Variants in NRXN1 observed in about 807,000 individuals in gnomAD.
NRXN1 encodes neurexin-1.
Under a neutral mutation model 150.9 loss-of-function variants are expected in NRXN1, and 39 were observed. The ratio of observed to expected loss-of-function variants is 0.26; its 90% CI spans 0.20 to 0.34. NRXN1 has a LOEUF of 0.34. NRXN1 is among the 10% of genes least tolerant of loss of function. NRXN1 has a pLI of 1.00. For missense variants in NRXN1, 1,815 were observed against 1,949.9 expected (o/e 0.93, Z 1.30); for synonymous variants, 924 against 757.0 (o/e 1.22, Z -3.62).
At chr2:50,614,682 C>T (rs1161447837) in intron 8 of NRXN1, among the ~76,000 whole-genome samples, 1 of 141,302 alleles carries the variant, frequency 7.1e-6, no homozygotes, top group Non-Finnish European at 1.5e-5. Flanking sequence ...AACAGAATAT[C>T]CCCTTTTGGA....
chr2:50,253,037 C>A (rs961905311), intron 17 of NRXN1, among the ~76,000 whole-genome samples: 1 of 152,156 alleles, frequency 6.6e-6, no homozygotes, highest in Non-Finnish European at 1.5e-5. Flanking sequence ...TTCTTCCTAT[C>A]CATGAGCATG....
intron 17 of NRXN1, among the ~76,000 whole-genome samples, chr2:50,354,447 GTGAGGATTAAA>G (rs1326701002): frequency 6.6e-6 from 1 of 151,236 alleles, no homozygotes; most frequent in Non-Finnish European, 1.5e-5. Flanking sequence ...TAGGGTTGTT[GTGAGGATTAAA>G]TGAGTCGACA....
intron 15 of NRXN1, among the ~76,000 whole-genome samples, chr2:50,480,784 A>C (rs963393021): frequency 5.3e-5 from 8 of 152,190 alleles, no homozygotes. Flanking sequence ...GCTTTAGCTA[A>C]AATGACTTTG....
chr2:50,852,997 C>T (rs941282382), intron 5 of NRXN1, among the ~76,000 whole-genome samples: 1 of 152,152 alleles, frequency 6.6e-6, no homozygotes, highest in Non-Finnish European at 1.5e-5. Flanking sequence ...ATGGAAATCT[C>T]TTTCATCTAA....
chr2:50,924,718 A>G (rs1270275085), intron 3 of NRXN1, among the ~76,000 whole-genome samples: 1 of 151,732 alleles, frequency 6.6e-6, no homozygotes, highest in East Asian at 1.9e-4. Context: ...GTAATTTATG[A>G]TTTCTTTTAA....
intron 17 of NRXN1, among the ~76,000 whole-genome samples, chr2:50,309,204 T>C (rs1375536606): frequency 6.6e-6 from 1 of 152,196 alleles, no homozygotes; most frequent in Non-Finnish European, 1.5e-5. Context: ...CAGTTATCAT[T>C]TGAAACTCAA....
At chr2:50,808,289 T>C (rs1031662301) in intron 5 of NRXN1, among the ~76,000 whole-genome samples, 6 of 152,138 alleles carry the variant, frequency 3.9e-5, no homozygotes, top group Middle Eastern at 3.2e-3. Flanking sequence ...AATAGCTACA[T>C]TATATCATAT....
chr2:50,934,963 A>C (rs1375152620), intron 2 of NRXN1, among the ~76,000 whole-genome samples: 1 of 152,122 alleles, frequency 6.6e-6, no homozygotes, highest in Non-Finnish European at 1.5e-5. Context: ...CGCTGAACCT[A>C]TTTTGATTTT....
In NRXN1 at chr2:50,822,187, AAAAC is replaced by A. The variant is rs573494938; in HGVS notation, c.832+99678_832+99681del. ...GTGCTAACATAAATTTTTAAAATAT[AAAAC>A]AAAGTGAAAGATTAGTATAATTTTG... is the stretch of plus-strand genomic sequence containing the variant. On this transcript the variant is annotated intron_variant, in intron 5 of 22. Coordinates refer to ENST00000401669, the MANE Select transcript of NRXN1 (RefSeq NM_001330078.2). Among the ~76,000 whole-genome samples the A allele has an allele frequency of 1.8e-3, 273 of 152,258 alleles. 3 individuals are homozygous for A. Among genetic ancestry groups the A allele is most frequent in the African/African-American group, 6.1e-3 (254 of 41,584 alleles).
At chr2:50,834,817 G>A (rs188536714) in intron 5 of NRXN1, among the ~76,000 whole-genome samples, 4 of 152,178 alleles carry the variant, frequency 2.6e-5, no homozygotes, top group East Asian at 1.9e-4. Context: ...TGTAATAGGA[G>A]CCTTTGTGGT....
chr2:50,976,397 T>C (rs891627192), intron 2 of NRXN1, among the ~76,000 whole-genome samples: 2 of 151,974 alleles, frequency 1.3e-5, no homozygotes, highest in Admixed American at 6.6e-5. Flanking sequence ...ACAGTTTCCT[T>C]ACATCTTCTT....
At chr2:49,945,832 G>A (rs1382402585) in intron 21 of NRXN1, among the ~76,000 whole-genome samples, 1 of 152,106 alleles carries the variant, frequency 6.6e-6, no homozygotes, top group Non-Finnish European at 1.5e-5. Context: ...ATTGTGAATA[G>A]TGTGGCAAGA....
At chr2:50,218,893 A>C (rs2063588421) in intron 18 of NRXN1, among the ~76,000 whole-genome samples, 1 of 152,050 alleles carries the variant, frequency 6.6e-6, no homozygotes, top group South Asian at 2.1e-4. Flanking sequence ...TGTCCTTTCC[A>C]AAAATATTCA....
chr2:50,932,910 T>A (rs187964646), intron 2 of NRXN1, among the ~76,000 whole-genome samples: 6 of 152,160 alleles, frequency 3.9e-5, no homozygotes, highest in African/African-American at 1.2e-4. Flanking sequence ...TTTTCTTAAT[T>A]GCATTTATTT....
At chr2:50,389,858 A>C (rs928193248) in intron 17 of NRXN1, among the ~76,000 whole-genome samples, 2 of 152,174 alleles carry the variant, frequency 1.3e-5, no homozygotes, top group African/African-American at 4.8e-5. Context: ...GGAAGGCCTC[A>C]TATTCAAATG....
At chr2:50,063,014 C>T (rs1436993323) in intron 19 of NRXN1, among the ~76,000 whole-genome samples, 4 of 152,112 alleles carry the variant, frequency 2.6e-5, no homozygotes, top group African/African-American at 7.2e-5. Flanking sequence ...TCATCTATAC[C>T]ACAAGAGAAG....
chr2:50,363,305 A>C (rs2079352975), intron 17 of NRXN1, among the ~76,000 whole-genome samples: 1 of 152,176 alleles, frequency 6.6e-6, no homozygotes, highest in South Asian at 2.1e-4. Context: ...TGAACAGGGA[A>C]CCTAAAGAAT....
At chr2:50,372,196 C>T (rs1381687085) in intron 17 of NRXN1, among the ~76,000 whole-genome samples, 1 of 152,026 alleles carries the variant, frequency 6.6e-6, no homozygotes, top group Non-Finnish European at 1.5e-5. Flanking sequence ...TTCAGTTTGT[C>T]AGTATTCTCT....
chr2:50,066,304 G>T (rs1157202232), intron 19 of NRXN1, among the ~76,000 whole-genome samples: 1 of 151,976 alleles, frequency 6.6e-6, no homozygotes, highest in East Asian at 1.9e-4. Context: ...GGAGTCAAGG[G>T]GACAAATGAG....
Sources: allele counts gnomAD v4.1 joint callset (sites outside exome capture counted in the v4.1 genomes callset), GRCh38; gene constraint gnomAD v4.1.1; transcripts MANE v1.5; gene names NCBI Gene and HGNC (gene_info 2026-07-23, HGNC 2026-07-21).